Variants in ZNF143 observed in about 807,000 individuals in gnomAD.
ZNF143 encodes zinc finger protein 143, also known as SPH-binding factor.
ZNF143 carries 49 observed loss-of-function variants against 74.1 expected under a neutral mutation model. The ratio of observed to expected loss-of-function variants is 0.66; its 90% CI spans 0.53 to 0.84. The LOEUF (loss-of-function observed/expected upper bound fraction) is 0.84. ZNF143 is among the 40% of genes least tolerant of loss of function. The pLI is 0.00. For synonymous variants in ZNF143, 304 were observed against 282.8 expected (o/e 1.07, Z -0.75); for missense variants, 637 against 793.4 (o/e 0.80, Z 2.37).
chr11:9,511,905 C>T (rs1396535749), intron 12 of ZNF143, among the ~76,000 whole-genome samples: 1 of 151,716 alleles, frequency 6.6e-6, no homozygotes, highest in African/African-American at 2.4e-5. Flanking sequence ...GCGCCCGCCA[C>T]CATGACCAGC....
At chr11:9,473,704 C>A in intron 3 of ZNF143, 1 of 1,318,870 alleles carries the variant, frequency 7.6e-7, no homozygotes, top group Non-Finnish European at 1.0e-6. Context: ...AGCCACTCTT[C>A]CTCTTGACCT....
chr11:9,499,566 G>A (rs989656625), intron 10 of ZNF143, among the ~76,000 whole-genome samples: 2 of 152,098 alleles, frequency 1.3e-5, no homozygotes, highest in Admixed American at 6.5e-5. Flanking sequence ...CTAGCCAGTC[G>A]TGGTAGCATG....
intron 1 of ZNF143, among the ~76,000 whole-genome samples, chr11:9,463,217 T>C (rs1491000032): frequency 6.6e-6 from 1 of 152,268 alleles, no homozygotes; most frequent in Non-Finnish European, 1.5e-5. Flanking sequence ...ACCCTTTGGC[T>C]ATTACACATA....
At chr11:9,505,878 CAAAAA>C (rs1177848404) in intron 11 of ZNF143, among the ~76,000 whole-genome samples, 5 of 66,858 alleles carry the variant, frequency 7.5e-5, no homozygotes, top group Admixed American at 1.8e-4. Context: ...GACTCCATAT[CAAAAA>C]AAAAAAAAAA....
At chr11:9,466,453 G>A (rs1190268713) in intron 1 of ZNF143, among the ~76,000 whole-genome samples, 1 of 147,532 alleles carries the variant, frequency 6.8e-6, no homozygotes, top group Non-Finnish European at 1.5e-5. Context: ...CTGCCACCAC[G>A]CCTGGCTAAT....
intron 11 of ZNF143, among the ~76,000 whole-genome samples, chr11:9,507,484 A>T (rs1176300354): frequency 6.6e-6 from 1 of 152,244 alleles, no homozygotes; most frequent in Non-Finnish European, 1.5e-5. Flanking sequence ...ACAGTAAACA[A>T]GCCTACTACA....
intron 7 of ZNF143, among the ~76,000 whole-genome samples, chr11:9,489,733 C>A (rs1398259819): frequency 6.6e-6 from 1 of 152,160 alleles, no homozygotes; most frequent in African/African-American, 2.4e-5. Context: ...TAAGCACTTT[C>A]ATTTCATAGT....
chr11:9,478,272 C>G, intron 5 of ZNF143, 118 bp from the exon 6 acceptor site: 1 of 945,102 alleles, frequency 1.1e-6, no homozygotes, highest in East Asian at 2.5e-5. Flanking sequence ...ATATCAAGTG[C>G]GTGGTCCAGT....
At position 9,472,659 on chromosome 11, in the gene ZNF143, T is replaced by C. The variant is rs566745200; in HGVS notation, c.113-18T>C. 2.5e-5 allele frequency: 40 copies of C among 1,603,364 alleles called. No individual in the cohort carries two copies. The East Asian group carries it at 3.1e-4, about 13-fold the overall frequency. ...ATATGCTAGCTGTCTAAAGAAAATA[T>C]TGATTTTTTTGTAATAGATGGTGAC... On this transcript the variant is annotated intron_variant, in intron 2 of 15. Coordinates refer to ENST00000396602, the MANE Select transcript of ZNF143 (RefSeq NM_003442.6).
At chr11:9,499,777 G>T (rs1017735147) in intron 10 of ZNF143, among the ~76,000 whole-genome samples, 2 of 152,164 alleles carry the variant, frequency 1.3e-5, no homozygotes, top group Non-Finnish European at 2.9e-5. Flanking sequence ...TATAAAGAGA[G>T]ATTTTTTCCC....
rs532571314 is a variant in ZNF143, at chr11:9,488,856, G to C, written c.646-5790G>C. On this transcript the variant is annotated intron_variant, in intron 7 of 15. Coordinates refer to ENST00000396602, the MANE Select transcript of ZNF143 (RefSeq NM_003442.6). ...TATAAAGGGTAGTTAATTGGAAATA[G>C]AATAAGAAGGTAGTAGTGCAAAGCA... is the stretch of plus-strand genomic sequence containing the variant. 9.9e-5 allele frequency among the ~76,000 whole-genome samples: 15 copies of C among 151,856 alleles called. No individual in the cohort carries two copies. The South Asian group carries it at 3.1e-3, about 32-fold the overall frequency.
intron 7 of ZNF143, among the ~76,000 whole-genome samples, chr11:9,481,046 C>T (rs574280717): frequency 2.6e-5 from 4 of 152,110 alleles, no homozygotes; most frequent in Admixed American, 6.6e-5. Flanking sequence ...CTGTGTGATT[C>T]GTAGCAAAAT....
chr11:9,468,943 G>A (rs1856405611), intron 1 of ZNF143, among the ~76,000 whole-genome samples: 1 of 151,996 alleles, frequency 6.6e-6, no homozygotes, highest in African/African-American at 2.4e-5. Flanking sequence ...AGACCAGCCT[G>A]GCCAACATGG....
At chr11:9,518,921 G>A (rs964130841) in intron 14 of ZNF143, among the ~76,000 whole-genome samples, 6 of 152,116 alleles carry the variant, frequency 3.9e-5, no homozygotes, top group African/African-American at 1.2e-4. Flanking sequence ...GAATTAACAA[G>A]CAAAAGTTAA....
chr11:9,519,696 A>G (rs75807558), intron 14 of ZNF143, among the ~76,000 whole-genome samples: 5,605 of 152,228 alleles, frequency 0.037, 312 homozygotes, highest in African/African-American at 0.12. Context: ...CAGTAAAAAT[A>G]TGTTTGTAGA....
At chr11:9,469,238 T>TTA (rs1491575595) in intron 1 of ZNF143, among the ~76,000 whole-genome samples, 1 of 84,758 alleles carries the variant, frequency 1.2e-5, no homozygotes, top group African/African-American at 5.3e-5. Flanking sequence ...TTTTTTTTTT[T>TTA]ACCACCCCCC....
At chr11:9,515,498 A>C (rs1293945616) in intron 13 of ZNF143, among the ~76,000 whole-genome samples, 1 of 151,596 alleles carries the variant, frequency 6.6e-6, no homozygotes. Flanking sequence ...AAACACACAA[A>C]AAAAAATTAG....
chr11:9,492,577 G>A (rs1004550501), intron 7 of ZNF143, among the ~76,000 whole-genome samples: 3 of 152,192 alleles, frequency 2.0e-5, no homozygotes, highest in Non-Finnish European at 4.4e-5. Context: ...TACCCATTTA[G>A]AGTGTACAGC....
chr11:9,521,459 A>G (rs1848923804), intron 14 of ZNF143, among the ~76,000 whole-genome samples: 1 of 151,946 alleles, frequency 6.6e-6, no homozygotes, highest in African/African-American at 2.4e-5. Context: ...CTTCTGTACT[A>G]TTTTCTGATA....
Sources: allele counts gnomAD v4.1 joint callset (sites outside exome capture counted in the v4.1 genomes callset), GRCh38; gene constraint gnomAD v4.1.1; transcripts MANE v1.5; gene names NCBI Gene and HGNC (gene_info 2026-07-23, HGNC 2026-07-21).